The following STARD9 variants were observed in gnomAD, a reference collection of about 807,000 sequenced individuals.
STARD9 encodes the protein stAR-related lipid transfer protein 9.
In STARD9, 346 loss-of-function variants were observed where a neutral mutation model predicts 399.8. The ratio of observed to expected loss-of-function variants is 0.87; its 90% CI spans 0.79 to 0.95. STARD9 has a LOEUF of 0.95. Among genes scored for constraint, STARD9 ranks in the 40% least tolerant of loss-of-function variants. The pLI, the probability that STARD9 is intolerant of heterozygous loss-of-function variation, is 0.00. For synonymous variants in STARD9, 2,203 were observed against 2,143.5 expected (o/e 1.03, Z -0.77); for missense variants, 5,832 against 5,667.5 (o/e 1.03, Z -0.93).
chr15:42,648,447 G>A (rs2059689107), intron 7 of STARD9, among the ~76,000 whole-genome samples: 1 of 152,096 alleles, frequency 6.6e-6, no homozygotes, highest in Non-Finnish European at 1.5e-5. Context: ...ACAGGCATGA[G>A]CCCCCATACC....
Position 42,692,882 on chromosome 15 carries a change from C to G in STARD9, c.11304C>G (p.Thr3768=), listed in dbSNP as rs752756621. 1.3e-6 allele frequency: 2 copies of G among 1,537,134 alleles called. No homozygotes were observed. Among genetic ancestry groups the G allele is most frequent in the African/African-American group, 1.4e-5 (1 of 73,022 alleles). ...TCCTTGAAGGGCTAGGCTCAGATAC[C>G]TCGACTGTGTCTCAAGAAGAGGGAG... ...NVILEGLGSD[T]STVSQEEGDV... The change falls in exon 23 of 33, where the codon ACC becomes ACG. Residue 3768 remains threonine, a synonymous_variant. Transcript: ENST00000290607.
intron 9 of STARD9, among the ~76,000 whole-genome samples, chr15:42,657,202 C>CA (rs967796705): frequency 7.9e-5 from 12 of 151,288 alleles, no homozygotes; most frequent in Admixed American, 2.6e-4. Context: ...ACTAAAAATA[C>CA]AAAAAAAATT....
chr15:42,708,366 G>A lies in STARD9; in HGVS notation c.13285-8311G>A, dbSNP rs757583107. ...GTAAATAAAGTTTTACCGGAATACA[G>A]TCATGCCCATTCATGTACATGTCTT... On this transcript the variant is annotated intron_variant, in intron 26 of 32. Transcript: ENST00000290607. Among the ~76,000 whole-genome samples, 38 of 152,324 alleles carry A rather than the reference G, an allele frequency of 2.5e-4. 1 individual carries two copies. Among genetic ancestry groups the A allele is most frequent in the Admixed American group, 2.0e-4 (3 of 15,298 alleles).
At chr15:42,643,508 T>TAA (rs574691968) in intron 7 of STARD9, among the ~76,000 whole-genome samples, 32 of 151,354 alleles carry the variant, frequency 2.1e-4, no homozygotes, top group African/African-American at 7.8e-4. Flanking sequence ...TCGTTCTTTT[T>TAA]AAAAAAAAAC....
At chr15:42,585,946 A>G (rs948616814) in intron 3 of STARD9, among the ~76,000 whole-genome samples, 4 of 152,218 alleles carry the variant, frequency 2.6e-5, no homozygotes, top group Non-Finnish European at 4.4e-5. Flanking sequence ...ATCATTGGGA[A>G]ATTAACATGA....
At chr15:42,605,092 A>G (rs1398754552) in intron 3 of STARD9, among the ~76,000 whole-genome samples, 3 of 152,236 alleles carry the variant, frequency 2.0e-5, no homozygotes, top group Admixed American at 2.0e-4. Context: ...TCAAAGCATC[A>G]TATGAATTAT....
chr15:42,619,722 A>G (rs1454432018), intron 3 of STARD9, among the ~76,000 whole-genome samples: 4 of 152,180 alleles, frequency 2.6e-5, no homozygotes, highest in African/African-American at 9.7e-5. Context: ...GTAAATACAG[A>G]TGAAGCTTTA....
In STARD9 at chr15:42,692,122, A is replaced by G. The variant is rs1230376075; in HGVS notation, c.10544A>G (p.Asp3515Gly). ...LSNVARCSSMDNGLEDQNSPF... is the reference protein window; with the variant it reads ...LSNVARCSSMGNGLEDQNSPF... ...AATGTGGCCCGGTGCTCCAGCATGG[A>G]CAATGGCCTAGAAGACCAGAACTCC... is the stretch of plus-strand genomic sequence containing the variant. Residue 3515 changes from aspartate to glycine, a missense_variant, in exon 23 of 33, where the codon GAC (aspartate) becomes GGC (glycine). Asp to Gly is a moderately conservative substitution (Grantham distance 94). Transcript: ENST00000290607. 6.5e-7 allele frequency: 1 copy of G among 1,537,068 alleles called. No individual in the cohort carries two copies. Among genetic ancestry groups the G allele is most frequent in the Middle Eastern group, 1.7e-4 (1 of 6,010 alleles).
intron 3 of STARD9, among the ~76,000 whole-genome samples, chr15:42,618,826 C>T (rs1021444716): frequency 3.5e-4 from 53 of 151,708 alleles, no homozygotes; most frequent in African/African-American, 1.2e-3. Context: ...CCTGCCTCGG[C>T]CTTTCAAAGT....
chr15:42,615,044 T>C (rs1159031756), intron 3 of STARD9, among the ~76,000 whole-genome samples: 1 of 148,096 alleles, frequency 6.8e-6, no homozygotes, highest in Non-Finnish European at 1.5e-5. Context: ...AGTCTTGCTC[T>C]GTCGTCCAGG....
At chr15:42,603,500 A>G (rs979604586) in intron 3 of STARD9, among the ~76,000 whole-genome samples, 4 of 152,180 alleles carry the variant, frequency 2.6e-5, no homozygotes, top group Non-Finnish European at 4.4e-5. Context: ...CCAGATTACA[A>G]GGTTCTTGCC....
intron 3 of STARD9, among the ~76,000 whole-genome samples, chr15:42,614,258 C>G (rs969364803): frequency 8.6e-5 from 13 of 151,474 alleles, no homozygotes; most frequent in African/African-American, 2.9e-4. Flanking sequence ...TTGCAGTGAG[C>G]CAAGATCGTG....
chr15:42,629,656 C>A (rs78196628), intron 3 of STARD9, among the ~76,000 whole-genome samples: 2 of 152,046 alleles, frequency 1.3e-5, no homozygotes, highest in East Asian at 1.9e-4. Flanking sequence ...ATTGAATAAC[C>A]GTGGTGAAAA....
chr15:42,632,403 A>G (rs1260474910), intron 3 of STARD9, among the ~76,000 whole-genome samples: 1 of 152,016 alleles, frequency 6.6e-6, no homozygotes, highest in Non-Finnish European at 1.5e-5. Context: ...CTGTCTTTTG[A>G]TTGGAGAGTT....
chr15:42,677,196 A>G (rs1407165503), intron 20 of STARD9, among the ~76,000 whole-genome samples: 1 of 151,232 alleles, frequency 6.6e-6, no homozygotes, highest in Admixed American at 6.6e-5. Flanking sequence ...CCCAGGAGGC[A>G]GAGGTTGCAG....
At chr15:42,620,948 T>C (rs1285266110) in intron 3 of STARD9, among the ~76,000 whole-genome samples, 2 of 152,130 alleles carry the variant, frequency 1.3e-5, no homozygotes, top group East Asian at 3.9e-4. Context: ...GAGATGGGGT[T>C]TCACCATGTT....
chr15:42,583,209 T>C lies in STARD9; in HGVS notation c.48-137T>C, dbSNP rs1830906975. On this transcript the variant is annotated intron_variant, in intron 1 of 32. Coordinates refer to ENST00000290607, the MANE Select transcript of STARD9 (RefSeq NM_020759.3). Reference sequence around the variant, plus strand: ...AGGGGACTGCTTGATGCGACGCTTATAGCCATTTATGGAGACAGACGCTTC... The same window carrying C: ...AGGGGACTGCTTGATGCGACGCTTACAGCCATTTATGGAGACAGACGCTTC... 1.1e-5 allele frequency: 7 copies of C among 623,314 alleles called. No homozygotes were observed. In the Admixed American group the frequency reaches 1.8e-4, roughly 16 times the overall value. 38.6% of individuals were successfully genotyped at this position (623,314 alleles called of 1,614,324 possible). A position where few individuals can be genotyped will look rare whatever the true frequency, so the allele number is the denominator to read the frequency against.
intron 3 of STARD9, among the ~76,000 whole-genome samples, chr15:42,588,813 T>G: frequency 1.2e-5 from 1 of 80,818 alleles, no homozygotes; most frequent in Non-Finnish European, 2.5e-5. Flanking sequence ...TTTTTTTTTT[T>G]TTGGAGTGGG....
At chr15:42,701,461 T>C (rs2060962299) in intron 26 of STARD9, among the ~76,000 whole-genome samples, 1 of 152,240 alleles carries the variant, frequency 6.6e-6, no homozygotes, top group Non-Finnish European at 1.5e-5. Flanking sequence ...TTCACCTCTT[T>C]GGTTAAATTT....
Sources: gnomAD v4.1 joint callset for allele counts (sites outside exome capture counted in the v4.1 genomes callset) on GRCh38, gnomAD v4.1.1 for gene constraint, MANE v1.5 for transcripts, NCBI Gene and HGNC (gene_info 2026-07-23, HGNC 2026-07-21) for gene names.